Variants in KCNIP4 observed in about 807,000 individuals in gnomAD.
The protein encoded by KCNIP4 is Kv channel-interacting protein 4.
In KCNIP4, 12 loss-of-function variants were observed where a neutral mutation model predicts 34.0. The ratio of observed to expected loss-of-function variants is 0.35; its 90% confidence interval spans 0.23 to 0.57. The LOEUF (loss-of-function observed/expected upper bound fraction) is 0.57, where lower values mean the gene tolerates loss of function less well. Among genes scored for constraint, KCNIP4 ranks in the 20% least tolerant of loss-of-function variants. The pLI, the probability that KCNIP4 is intolerant of heterozygous loss-of-function variation, is 0.83. For missense variants in KCNIP4, 238 were observed against 311.7 expected, an observed-to-expected ratio of 0.76 and a Z score of 1.78; for synonymous variants, 124 against 102.2, an observed-to-expected ratio of 1.21 and a Z score of -1.29.
At chr4:20,771,403 T>C (rs1755865700) in intron 3 of KCNIP4, among the ~76,000 whole-genome samples, 1 of 152,204 alleles carries the variant, frequency 6.6e-6, no homozygotes, top group Non-Finnish European at 1.5e-5. Context: ...TTTATTGATC[T>C]TTTTTGTTAC....
At chr4:21,734,192 G>A (rs1715817365) in intron 1 of KCNIP4, among the ~76,000 whole-genome samples, 2 of 152,152 alleles carry the variant, frequency 1.3e-5, no homozygotes, top group Admixed American at 1.3e-4. Context: ...TAGATAAGGA[G>A]TTTAATAATC....
At chr4:21,131,092 G>T (rs994935242) in intron 1 of KCNIP4, among the ~76,000 whole-genome samples, 1 of 152,052 alleles carries the variant, frequency 6.6e-6, no homozygotes, top group African/African-American at 2.4e-5. Flanking sequence ...TATGCTCCCC[G>T]AAGGTATGTA....
At chr4:21,680,717 GA>G (rs1750278887) in intron 1 of KCNIP4, among the ~76,000 whole-genome samples, 1 of 152,184 alleles carries the variant, frequency 6.6e-6, no homozygotes, top group Non-Finnish European at 1.5e-5. Flanking sequence ...CAGAGCTCTT[GA>G]ATGACTAGGC....
At chr4:21,897,334 G>C (rs1393082116) in intron 1 of KCNIP4, among the ~76,000 whole-genome samples, 2 of 152,056 alleles carry the variant, frequency 1.3e-5, no homozygotes, top group Non-Finnish European at 2.9e-5. Flanking sequence ...TAAAAGCAAG[G>C]TTCTAATTTA....
chr4:21,370,836 TATATATATATATATAC>T (rs1720320143), intron 1 of KCNIP4, among the ~76,000 whole-genome samples: 11 of 31,690 alleles, frequency 3.5e-4, no homozygotes, highest in African/African-American at 5.6e-4. Context: ...TATATATATA[TATATATATATATATAC>T]ACACACACAC....
chr4:21,912,688 T>C (rs944886776), intron 1 of KCNIP4, among the ~76,000 whole-genome samples: 2 of 152,024 alleles, frequency 1.3e-5, no homozygotes, highest in Non-Finnish European at 2.9e-5. Context: ...AAGGGTGGCA[T>C]AGCTTAAGGA....
chr4:21,376,410 G>A (rs1017306031), intron 1 of KCNIP4, among the ~76,000 whole-genome samples: 32 of 151,884 alleles, frequency 2.1e-4, no homozygotes, highest in African/African-American at 1.7e-4. Context: ...TGCCAGCCCC[G>A]TAAGCCTATT....
chr4:21,853,938 G>T (rs1724586564), intron 1 of KCNIP4, among the ~76,000 whole-genome samples: 1 of 152,144 alleles, frequency 6.6e-6, no homozygotes. Flanking sequence ...ATTAAGTGCT[G>T]CTCTGTGCAA....
chr4:21,594,899 T>C (rs1009802625), intron 1 of KCNIP4, among the ~76,000 whole-genome samples: 7 of 152,060 alleles, frequency 4.6e-5, no homozygotes, highest in Admixed American at 4.6e-4. Context: ...TGGAATATTA[T>C]GTTGGTGCAA....
At chr4:21,592,360 T>C (rs1033127694) in intron 1 of KCNIP4, among the ~76,000 whole-genome samples, 6 of 152,092 alleles carry the variant, frequency 3.9e-5, no homozygotes, top group African/African-American at 7.2e-5. Flanking sequence ...ATATAAGATA[T>C]CTCGTTTGGT....
chr4:21,928,127 T>TATATATATAC (rs141651426), intron 1 of KCNIP4, among the ~76,000 whole-genome samples: 13 of 143,920 alleles, frequency 9.0e-5, no homozygotes, highest in Non-Finnish European at 1.5e-4. Flanking sequence ...TATATATATA[T>TATATATATAC]ACACACACAC....
intron 1 of KCNIP4, among the ~76,000 whole-genome samples, chr4:20,934,041 G>GT (rs1730782732): frequency 6.6e-6 from 1 of 152,184 alleles, no homozygotes; most frequent in Non-Finnish European, 1.5e-5. Context: ...CTTTATTCAA[G>GT]TAAGTATGAA....
intron 1 of KCNIP4, among the ~76,000 whole-genome samples, chr4:21,429,471 T>C (rs967192978): frequency 5.9e-5 from 9 of 151,966 alleles, no homozygotes; most frequent in African/African-American, 1.4e-4. Flanking sequence ...TGTGTAGACA[T>C]AGGTTTTCAG....
Position 21,504,297 on chromosome 4 carries a change from G to A in KCNIP4, c.61+444274C>T, listed in dbSNP as rs548180555. Among the ~76,000 whole-genome samples the A allele has an allele frequency of 3.6e-4, 55 of 151,664 alleles. 1 individual carries two copies. The highest frequency in any genetic ancestry group is 5.3e-4 in the Admixed American group (8 of 15,214). The stretch of plus-strand genomic sequence containing the variant: ...AGCCTGGCCAACATGGTGAAACCCC[G>A]TCTCTATTAAAAATACAAAAATTAG... On this transcript the variant is annotated intron_variant, in intron 1 of 8. Coordinates refer to ENST00000382152, the MANE Select transcript of KCNIP4 (RefSeq NM_025221.6).
intron 1 of KCNIP4, among the ~76,000 whole-genome samples, chr4:21,680,219 T>C (rs577470752): frequency 1.7e-4 from 26 of 152,374 alleles, no homozygotes; most frequent in African/African-American, 6.3e-4. Flanking sequence ...AGCATCTTCA[T>C]GAGGAGTAGA....
chr4:21,421,220 T>C (rs1261484284), intron 1 of KCNIP4, among the ~76,000 whole-genome samples: 1 of 152,088 alleles, frequency 6.6e-6, no homozygotes, highest in Non-Finnish European at 1.5e-5. Flanking sequence ...TGAAGAATCC[T>C]CAAAAAGTTA....
chr4:21,533,785 G>A (rs1186257847), intron 1 of KCNIP4, among the ~76,000 whole-genome samples: 3 of 152,178 alleles, frequency 2.0e-5, no homozygotes, highest in Admixed American at 2.0e-4. Flanking sequence ...AATGAATCTG[G>A]ACCAATTCCT....
intron 2 of KCNIP4, among the ~76,000 whole-genome samples, chr4:20,858,612 G>A (rs1721872657): frequency 6.6e-6 from 1 of 152,068 alleles, no homozygotes; most frequent in Non-Finnish European, 1.5e-5. Context: ...GAGAGTCTAA[G>A]TAACTTGGCC....
intron 1 of KCNIP4, among the ~76,000 whole-genome samples, chr4:21,380,456 G>GGAGAGGGGGAGAGA (rs746207928): frequency 1.4e-5 from 2 of 140,772 alleles, no homozygotes; most frequent in South Asian, 2.4e-4. Context: ...AGAGGGAGAG[G>GGAGAGGGGGAGAGA]GGGAGAGAGA....
Sources: gnomAD v4.1 joint callset for allele counts (sites outside exome capture counted in the v4.1 genomes callset) on GRCh38, gnomAD v4.1.1 for gene constraint, MANE v1.5 for transcripts, NCBI Gene and HGNC (gene_info 2026-07-23, HGNC 2026-07-21) for gene names.